Variants in SPRR2F observed in about 807,000 individuals in gnomAD.
The protein encoded by SPRR2F is small proline rich protein 2F.
Under a neutral mutation model 0.8 loss-of-function variants are expected in SPRR2F, and 2 were observed. The ratio of observed to expected loss-of-function variants is 2.52; its 90% confidence interval spans 1.03 to 7.95. The LOEUF (loss-of-function observed/expected upper bound fraction) is 7.95. Among genes scored for constraint, SPRR2F ranks in the 30% most tolerant of loss-of-function variants. The probability of loss-of-function intolerance (pLI) is 0.04; values close to 1 mark genes in which losing one functional copy is unlikely to be tolerated. For synonymous variants in SPRR2F, 39 were observed against 33.4 expected, an observed-to-expected ratio of 1.17 and a Z score of -0.58; for missense variants, 80 against 85.8, an observed-to-expected ratio of 0.93 and a Z score of 0.27.
chr1:153,113,388 A>G (rs1655646742), intron 1 of SPRR2F, 86 bp downstream of exon 1: 1 of 155,052 alleles, frequency 6.4e-6, no homozygotes, highest in African/African-American at 2.4e-5. Context: ...CATTCATAGG[A>G]TTGGATCAAC....
upstream of SPRR2F, among the ~76,000 whole-genome samples, chr1:153,114,242 A>G (rs1655673464): frequency 1.3e-5 from 2 of 151,636 alleles, no homozygotes; most frequent in Non-Finnish European, 2.9e-5. Flanking sequence ...TCTCCACCCA[A>G]TTTGTACAGG....
At chr1:153,114,047 C>T (rs527833153), upstream of SPRR2F, among the ~76,000 whole-genome samples, 8 of 122,758 alleles carry the variant, frequency 6.5e-5, no homozygotes, top group East Asian at 9.2e-4. Context: ...TGACCACAGG[C>T]AGGTCACCTC....
chr1:153,112,605 C>T lies in SPRR2F; in HGVS notation c.129G>A (p.Gln43=). ...PEPCPPSKCP[Q]SCPPQQCQQK... is the part of the protein sequence containing the mutation. ...GCTGGCACTGCTGAGGTGGGCAGGA[C>T]TGTGGACACTTTGATGGTGGGCAGG... The change falls in exon 2 of 2, where the codon CAG becomes CAA. Residue 43 remains glutamine (Q), a synonymous_variant. Coordinates refer to ENST00000468739, the MANE Select transcript of SPRR2F (RefSeq NM_001014450.3). 6.2e-7 allele frequency: 1 copy of T among 1,612,836 alleles called. No individual in the cohort carries two copies. Among genetic ancestry groups the T allele is most frequent in the Middle Eastern group, 1.9e-4 (1 of 5,170 alleles).
At chr1:153,113,992 ATTTTTT>A (rs1171281660), upstream of SPRR2F, among the ~76,000 whole-genome samples, 1 of 78,740 alleles carries the variant, frequency 1.3e-5, no homozygotes, top group Non-Finnish European at 2.5e-5. Flanking sequence ...CTGGTCCCAG[ATTTTTT>A]TTTTTTTTTT....
upstream of SPRR2F, among the ~76,000 whole-genome samples, chr1:153,115,096 C>T (rs1050582728): frequency 2.0e-5 from 3 of 152,120 alleles, no homozygotes; most frequent in Non-Finnish European, 2.9e-5. Flanking sequence ...CCCAGAGCTG[C>T]CATTGCTCCC....
At chr1:153,113,992 ATTTTTTTT>A (rs1171281660), upstream of SPRR2F, among the ~76,000 whole-genome samples, 1 of 78,728 alleles carries the variant, frequency 1.3e-5, no homozygotes, top group South Asian at 4.3e-4. Flanking sequence ...CTGGTCCCAG[ATTTTTTTT>A]TTTTTTTTTT....
In SPRR2F at chr1:153,112,584, G is replaced by A. The variant is rs757114335; in HGVS notation, c.150C>T (p.Cys50=). The A allele has an allele frequency of 6.2e-7, 1 of 1,613,060 alleles. No individual in the cohort carries two copies. The highest frequency in any genetic ancestry group is 8.5e-7 in the Non-Finnish European group (1 of 1,179,836). The change falls in exon 2 of 2, where the codon TGC becomes TGT. Residue 50 remains cysteine, a synonymous_variant. Transcript: ENST00000468739. ...KCPQSCPPQQ[C]QQKCPPVTPS... ...GTGTCACAGGAGGACATTTCTGCTGGCACTGCTGAGGTGGGCAGGACTGTG... is the reference window on the plus strand; with the variant it reads ...GTGTCACAGGAGGACATTTCTGCTGACACTGCTGAGGTGGGCAGGACTGTG...
In SPRR2F at chr1:153,113,144, G is replaced by A. The variant is rs527687381; in HGVS notation, c.-20+330C>T. Among the ~76,000 whole-genome samples, 4 of 152,236 alleles carry A rather than the reference G, an allele frequency of 2.6e-5. No homozygotes were observed. The South Asian group carries it at 8.3e-4, about 32-fold the overall frequency. Reference sequence around the variant, plus strand: ...TAGGCACACAGAAAACGACTGTTTGGGAAGAATTGCATGCTCTCACACCTG... The same window carrying A: ...TAGGCACACAGAAAACGACTGTTTGAGAAGAATTGCATGCTCTCACACCTG... On this transcript the variant is annotated intron_variant, in intron 1 of 1. Coordinates refer to ENST00000468739, the MANE Select transcript of SPRR2F (RefSeq NM_001014450.3).
chr1:153,114,866 G>T (rs1342528900), upstream of SPRR2F, among the ~76,000 whole-genome samples: 2 of 152,114 alleles, frequency 1.3e-5, no homozygotes, highest in African/African-American at 4.8e-5. Context: ...ACTAAACATG[G>T]TATATTAAAT....
At chr1:153,114,554 A>G (rs1266760568), upstream of SPRR2F, among the ~76,000 whole-genome samples, 1 of 152,188 alleles carries the variant, frequency 6.6e-6, no homozygotes, top group Non-Finnish European at 1.5e-5. Flanking sequence ...CAGCGCACCT[A>G]AAGTCTGAAA....
At chr1:153,115,351 T>C (rs555136121), upstream of SPRR2F, among the ~76,000 whole-genome samples, 126 of 152,318 alleles carry the variant, frequency 8.3e-4, 1 homozygote, top group African/African-American at 3.0e-3. Flanking sequence ...GAGAAATGTC[T>C]GATTTCTAAC....
chr1:153,113,636 C>T (rs1655650334), upstream of SPRR2F: 1 of 152,226 alleles, frequency 6.6e-6, no homozygotes, highest in African/African-American at 2.4e-5. Flanking sequence ...TTATCCACAA[C>T]TGGCCTGACA....
upstream of SPRR2F, among the ~76,000 whole-genome samples, chr1:153,115,247 A>G (rs1571010032): frequency 6.6e-6 from 1 of 152,306 alleles, no homozygotes; most frequent in East Asian, 1.9e-4. Context: ...TACGCATGCT[A>G]AGCACATCAG....
chr1:153,119,386 G>A, the SPRR2F span, among the ~76,000 whole-genome samples: 1 of 152,226 alleles, frequency 6.6e-6, no homozygotes, highest in African/African-American at 2.4e-5. Context: ...GCAGAATCAG[G>A]AGAACCAGAA....
At chr1:153,115,647 T>G (rs1386442297), upstream of SPRR2F, among the ~76,000 whole-genome samples, 1 of 152,086 alleles carries the variant, frequency 6.6e-6, no homozygotes. Context: ...AGTTAGGACA[T>G]CCAGGCCCTG....
chr1:153,112,464 G>A lies in SPRR2F; in HGVS notation c.*51C>T, dbSNP rs191471596. On this transcript the variant is annotated 3_prime_UTR_variant, in exon 2 of 2. Coordinates refer to ENST00000468739, the MANE Select transcript of SPRR2F (RefSeq NM_001014450.3). ...AGATGCAGGTGGAGCTGTGGAACGAGGTGAGCCAATTATCCTTATCCTTTC... is the reference window on the plus strand; with the variant it reads ...AGATGCAGGTGGAGCTGTGGAACGAAGTGAGCCAATTATCCTTATCCTTTC... 6 of 1,574,242 alleles carry A rather than the reference G, an allele frequency of 3.8e-6. No homozygotes were observed. The highest frequency in any genetic ancestry group is 2.2e-5 in the East Asian group (1 of 44,586).
At chr1:153,119,448 G>A in the SPRR2F span, among the ~76,000 whole-genome samples, 1 of 152,184 alleles carries the variant, frequency 6.6e-6, no homozygotes, top group Admixed American at 6.5e-5. Context: ...AGACCCAGAA[G>A]ATTAACGTCA....
upstream of SPRR2F, among the ~76,000 whole-genome samples, chr1:153,116,407 T>C (rs938690474): frequency 6.6e-6 from 1 of 152,214 alleles, no homozygotes; most frequent in Non-Finnish European, 1.5e-5. Flanking sequence ...TATTTTCTTA[T>C]TTTCCTTTTC....
chr1:153,113,899 A>G (rs769394421), upstream of SPRR2F, among the ~76,000 whole-genome samples: 2 of 151,622 alleles, frequency 1.3e-5, no homozygotes, highest in Non-Finnish European at 2.9e-5. Flanking sequence ...ATTGTTGTAC[A>G]TGAACCCATC....
Sources: allele counts gnomAD v4.1 joint callset (sites outside exome capture counted in the v4.1 genomes callset), GRCh38; gene constraint gnomAD v4.1.1; transcripts MANE v1.5; gene names NCBI Gene and HGNC (gene_info 2026-07-23, HGNC 2026-07-21).